Variants in PDE1A observed in about 807,000 individuals in gnomAD.
PDE1A encodes the protein phosphodiesterase 1A.
Under a neutral mutation model 61.7 loss-of-function variants are expected in PDE1A, and 35 were observed. The observed-to-expected ratio is 0.57, with a 90% CI of 0.43 to 0.75. The LOEUF is 0.75. Among genes scored for constraint, PDE1A ranks in the 30% least tolerant of loss-of-function variants. The pLI, the probability that PDE1A is intolerant of heterozygous loss-of-function variation, is 0.00. For missense variants in PDE1A, 597 were observed against 630.6 expected (o/e 0.95, Z 0.57); for synonymous variants, 232 against 213.2 (o/e 1.09, Z -0.77).
the PDE1A span, among the ~76,000 whole-genome samples, chr2:182,535,488 C>T: frequency 6.6e-6 from 1 of 152,058 alleles, no homozygotes; most frequent in Admixed American, 6.6e-5. Flanking sequence ...CTAATCATTG[C>T]TGTTTATAAG....
rs1686635138 is a variant in PDE1A, at chr2:182,201,579, C to T, written c.1005-20G>A. 6.3e-7 allele frequency: 1 copy of T among 1,598,204 alleles called. No individual in the cohort carries two copies. ...TCAATCCTGTCAAACCAAGGACATG[C>T]TTATATTATTCAAAACAAAGGAAAC... On this transcript the variant is annotated intron_variant, in intron 9 of 13. Transcript: ENST00000351439.
chr2:182,358,004 T>G (rs895990909), intron 1 of PDE1A, among the ~76,000 whole-genome samples: 1 of 152,232 alleles, frequency 6.6e-6, no homozygotes, highest in Non-Finnish European at 1.5e-5. Context: ...TGAGCTGTGT[T>G]GCAGTTCTTG....
intron 1 of PDE1A, among the ~76,000 whole-genome samples, chr2:182,312,289 GGTTTTTAAATA>G (rs1696032468): frequency 6.6e-6 from 1 of 151,642 alleles, no homozygotes; most frequent in Non-Finnish European, 1.5e-5. Flanking sequence ...AAACCTTTGT[GGTTTTTAAATA>G]GTTAATGAAG....
chr2:182,364,177 A>G (rs1699676879), intron 1 of PDE1A, among the ~76,000 whole-genome samples: 1 of 151,888 alleles, frequency 6.6e-6, no homozygotes, highest in African/African-American at 2.4e-5. Flanking sequence ...CGCTTCTTCA[A>G]GGTAACTCTG....
At chr2:182,540,156 G>A in the PDE1A span, among the ~76,000 whole-genome samples, 1 of 152,132 alleles carries the variant, frequency 6.6e-6, no homozygotes, top group African/African-American at 2.4e-5. Flanking sequence ...TTGAGGTCAG[G>A]AGTTCGAACC....
chr2:182,465,465 A>C (rs1377948655), intron 2 of PDE1A, among the ~76,000 whole-genome samples: 6 of 152,050 alleles, frequency 3.9e-5, no homozygotes, highest in African/African-American at 7.2e-5. Flanking sequence ...ACATTCAATT[A>C]AGAGTTGTAG....
intron 1 of PDE1A, among the ~76,000 whole-genome samples, chr2:182,267,998 T>C (rs887847921): frequency 1.3e-5 from 2 of 152,138 alleles, no homozygotes; most frequent in African/African-American, 2.4e-5. Flanking sequence ...CACAAAGTCA[T>C]GTGCATAAAA....
intron 1 of PDE1A, among the ~76,000 whole-genome samples, chr2:182,387,701 G>C: frequency 6.6e-6 from 1 of 151,534 alleles, no homozygotes; most frequent in Admixed American, 6.6e-5. Flanking sequence ...AGGTTGCAGT[G>C]AGCCAAGATC....
intron 7 of PDE1A, among the ~76,000 whole-genome samples, chr2:182,223,449 C>T (rs1688894501): frequency 6.6e-6 from 1 of 151,840 alleles, no homozygotes; most frequent in Non-Finnish European, 1.5e-5. Context: ...TCATGTTGGC[C>T]TGAAAATGAG....
At chr2:182,571,224 A>T in the PDE1A span, among the ~76,000 whole-genome samples, 1 of 152,214 alleles carries the variant, frequency 6.6e-6, no homozygotes, top group African/African-American at 2.4e-5. Context: ...TTGCAATTCA[A>T]ACCTTTAAGA....
the PDE1A span, among the ~76,000 whole-genome samples, chr2:182,647,958 G>A: frequency 6.6e-6 from 1 of 152,178 alleles, no homozygotes; most frequent in South Asian, 2.1e-4. Flanking sequence ...GGTGAGTATC[G>A]GCAGGTTAAC....
rs568280467 is a variant in PDE1A, at chr2:182,243,613, T to C, written c.168-3321A>G. Among the ~76,000 whole-genome samples, 73 of 152,314 alleles carry C rather than the reference T, an allele frequency of 4.8e-4. 1 individual carries two copies. Among genetic ancestry groups the C allele is most frequent in the South Asian group, 1.0e-3 (5 of 4,832 alleles). On this transcript the variant is annotated intron_variant, in intron 2 of 13. Transcript: ENST00000351439. The stretch of plus-strand genomic sequence containing the variant: ...TGTCATATTTGCAATGGCAGGTCAT[T>C]GAATTATTTTAAGCAGGATGTGATA...
chr2:182,265,371 A>G (rs1334871839), intron 1 of PDE1A, among the ~76,000 whole-genome samples: 1 of 152,208 alleles, frequency 6.6e-6, no homozygotes, highest in Non-Finnish European at 1.5e-5. Flanking sequence ...ATAAAGCAAT[A>G]AAGACAGACG....
intron 2 of PDE1A, among the ~76,000 whole-genome samples, chr2:182,436,432 C>G (rs1684415392): frequency 6.6e-6 from 1 of 151,880 alleles, no homozygotes; most frequent in Non-Finnish European, 1.5e-5. Flanking sequence ...TAGTGCTTTC[C>G]CAAGCCCCAT....
the PDE1A span, among the ~76,000 whole-genome samples, chr2:182,540,367 A>G: frequency 0.45 from 36,495 of 81,302 alleles, 5,131 homozygotes; most frequent in East Asian, 0.6. Flanking sequence ...TGTCTCAAAG[A>G]AAAAAAAAAA....
chr2:182,699,245 C>A, the PDE1A span, among the ~76,000 whole-genome samples: 1 of 152,204 alleles, frequency 6.6e-6, no homozygotes, highest in African/African-American at 2.4e-5. Flanking sequence ...AATAAACTGA[C>A]TATTCATACC....
chr2:182,193,767 C>T (rs1685905932), intron 10 of PDE1A, among the ~76,000 whole-genome samples: 1 of 151,926 alleles, frequency 6.6e-6, no homozygotes. Flanking sequence ...TATTAGAACC[C>T]CTGGTGTAAT....
chr2:182,322,982 T>C (rs1696795422), intron 1 of PDE1A, among the ~76,000 whole-genome samples: 1 of 152,170 alleles, frequency 6.6e-6, no homozygotes, highest in African/African-American at 2.4e-5. Flanking sequence ...AGTTCTTATC[T>C]GAATGTTTTA....
intron 13 of PDE1A, among the ~76,000 whole-genome samples, chr2:182,152,412 C>CTTTTTTTTTTTTTTT (rs559392112): frequency 2.7e-5 from 2 of 75,292 alleles, no homozygotes; most frequent in African/African-American, 5.3e-5. Context: ...TTTTTTTCCT[C>CTTTTTTTTTTTTTTT]TTTTTTTTTT....
Sources: allele counts gnomAD v4.1 joint callset (sites outside exome capture counted in the v4.1 genomes callset), GRCh38; gene constraint gnomAD v4.1.1; transcripts MANE v1.5; gene names NCBI Gene and HGNC (gene_info 2026-07-23, HGNC 2026-07-21).